The following SLC17A8 variants were observed in gnomAD, a reference collection of about 807,000 sequenced individuals.
The protein encoded by SLC17A8 is solute carrier family 17 member 8.
SLC17A8 carries 31 observed loss-of-function variants against 58.0 expected under a neutral mutation model. That is an observed-to-expected ratio of 0.53 (90% CI 0.40 to 0.72). The LOEUF is 0.72. SLC17A8 is among the 30% of genes least tolerant of loss of function. The probability of loss-of-function intolerance (pLI) is 0.00; values close to 1 mark genes in which losing one functional copy is unlikely to be tolerated. For missense variants in SLC17A8, 655 were observed against 727.8 expected, an observed-to-expected ratio of 0.90 and a Z score of 1.15; for synonymous variants, 228 against 249.0, an observed-to-expected ratio of 0.92 and a Z score of 0.79.
At chr12:100,376,275 G>A (rs1952594156) in intron 1 of SLC17A8, among the ~76,000 whole-genome samples, 1 of 152,218 alleles carries the variant, frequency 6.6e-6, no homozygotes, top group African/African-American at 2.4e-5. Flanking sequence ...AGAAGGTCAA[G>A]TAACTTAGCC....
chr12:100,380,644 CT>C, intron 1 of SLC17A8, 56 bp from the exon 2 acceptor site: 1 of 1,608,732 alleles, frequency 6.2e-7, no homozygotes, highest in Non-Finnish European at 8.5e-7. Context: ...GCTTAGTATA[CT>C]TTCTTTTTCC....
chr12:100,418,507 C>T (rs1338097392), intron 11 of SLC17A8, among the ~76,000 whole-genome samples: 1 of 152,146 alleles, frequency 6.6e-6, no homozygotes, highest in African/African-American at 2.4e-5. Flanking sequence ...AGTGATTAAA[C>T]CTTATAGCCT....
At chr12:100,389,831 TTAC>T (rs1414829198) in intron 2 of SLC17A8, among the ~76,000 whole-genome samples, 3 of 150,310 alleles carry the variant, frequency 2.0e-5, no homozygotes, top group East Asian at 2.0e-4. Flanking sequence ...ATTATTATTA[TTAC>T]TATTGAGATG....
In SLC17A8 at chr12:100,421,760, G is replaced by C. The variant is rs904318538; in HGVS notation, c.*1601G>C. On this transcript the variant is annotated 3_prime_UTR_variant, in exon 12 of 12. Transcript: ENST00000323346. ...GTATTTTATAAATGGAATAATCTTG[G>C]GGAAAAATTGCGATTCTTCATTAAA... is the stretch of plus-strand genomic sequence containing the variant. 3.5e-5 allele frequency: 5 copies of C among 144,356 alleles called. No homozygotes were observed. The highest frequency in any genetic ancestry group is 1.5e-4 in the Admixed American group (2 of 13,772). The allele number at this position is 144,356 out of a possible 1,614,324, so 8.9% of individuals were successfully genotyped here. A position where few individuals can be genotyped will look rare whatever the true frequency, so the allele number is the denominator to read the frequency against.
intron 9 of SLC17A8, among the ~76,000 whole-genome samples, chr12:100,412,366 A>G (rs1416985255): frequency 6.6e-6 from 1 of 152,058 alleles, no homozygotes; most frequent in Non-Finnish European, 1.5e-5. Flanking sequence ...GAGATGAACA[A>G]TGAGAACACA....
At chr12:100,370,951 G>A (rs1437041934) in intron 1 of SLC17A8, among the ~76,000 whole-genome samples, 1 of 103,816 alleles carries the variant, frequency 9.6e-6, no homozygotes, top group Admixed American at 1.0e-4. Flanking sequence ...TCTACTGGAA[G>A]AGGCAAATAT....
At chr12:100,395,203 T>A (rs1182357549) in intron 4 of SLC17A8, among the ~76,000 whole-genome samples, 2 of 152,162 alleles carry the variant, frequency 1.3e-5, no homozygotes, top group East Asian at 3.8e-4. Context: ...ACATGTGAAG[T>A]GTATTTGAAT....
At position 100,418,277 on chromosome 12, in the gene SLC17A8, C is replaced by T. The variant is rs1952921706; in HGVS notation, c.1425+121C>T. ...TGTATGTCCTTGACCTTGACTGAGT[C>T]AGCTGAACTTCTTTTTTTTTTCTTC... is the stretch of plus-strand genomic sequence containing the variant. On this transcript the variant is annotated intron_variant, in intron 11 of 11. Transcript: ENST00000323346. 4.1e-6 allele frequency: 5 copies of T among 1,218,076 alleles called. No homozygotes were observed. The Admixed American group carries it at 7.3e-5, about 18-fold the overall frequency. 75.5% of individuals were successfully genotyped at this position (1,218,076 alleles called of 1,614,324 possible).
chr12:100,371,395 A>G (rs1385571430), intron 1 of SLC17A8, among the ~76,000 whole-genome samples: 1 of 152,180 alleles, frequency 6.6e-6, no homozygotes, highest in Non-Finnish European at 1.5e-5. Flanking sequence ...CTTTAAAAAA[A>G]AGTCTCTGTA....
intron 2 of SLC17A8, among the ~76,000 whole-genome samples, chr12:100,381,230 C>T (rs1952635417): frequency 1.3e-5 from 2 of 152,162 alleles, no homozygotes; most frequent in South Asian, 2.1e-4. Flanking sequence ...CAATACTTTG[C>T]TCCTTGAGAG....
chr12:100,390,684 C>T (rs1952709339), intron 2 of SLC17A8, among the ~76,000 whole-genome samples: 1 of 151,926 alleles, frequency 6.6e-6, no homozygotes, highest in Non-Finnish European at 1.5e-5. Context: ...ACTCTGTTGC[C>T]CAGGCTGGAG....
At chr12:100,382,048 A>C (rs1338628995) in intron 2 of SLC17A8, among the ~76,000 whole-genome samples, 1 of 152,254 alleles carries the variant, frequency 6.6e-6, no homozygotes, top group Non-Finnish European at 1.5e-5. Flanking sequence ...ATAAAGATGC[A>C]TGTTTTCTTC....
At chr12:100,385,114 C>CTG (rs779729764) in intron 2 of SLC17A8, among the ~76,000 whole-genome samples, 3,804 of 150,316 alleles carry the variant, frequency 0.025, 86 homozygotes, top group African/African-American at 0.057. Context: ...CTCTCTCTCT[C>CTG]TCTGTGTGTG....
chr12:100,376,839 T>G (rs1952597732), intron 1 of SLC17A8, among the ~76,000 whole-genome samples: 1 of 152,104 alleles, frequency 6.6e-6, no homozygotes, highest in Non-Finnish European at 1.5e-5. Context: ...AGATGGAGTC[T>G]CACTCTGTTA....
Position 100,393,425 on chromosome 12 carries a change from C to T in SLC17A8, c.530C>T (p.Ala177Val), listed in dbSNP as rs752140106. ...TSTLNMFIPSAARVHYGCVMC... is the reference protein window; with the variant it reads ...TSTLNMFIPSVARVHYGCVMC... ...ACTCTGAACATGTTTATTCCCTCTGCAGCCAGAGTGCATTACGGATGCGTC... is the reference window on the plus strand; with the variant it reads ...ACTCTGAACATGTTTATTCCCTCTGTAGCCAGAGTGCATTACGGATGCGTC... Residue 177 changes from alanine (A) to valine (V), a missense_variant, in exon 4 of 12, where the codon GCA (alanine) becomes GTA (valine). Physicochemically the swap from Ala to Val is moderately conservative, Grantham distance 64 (BLOSUM62 0). Transcript: ENST00000323346. 38 of 1,613,750 alleles carry T rather than the reference C, an allele frequency of 2.4e-5. No homozygotes were observed. Among genetic ancestry groups the T allele is most frequent in the Non-Finnish European group, 3.2e-5 (38 of 1,179,806 alleles).
At chr12:100,372,619 A>G (rs533900848) in intron 1 of SLC17A8, among the ~76,000 whole-genome samples, 1 of 152,368 alleles carries the variant, frequency 6.6e-6, no homozygotes, top group Non-Finnish European at 1.5e-5. Flanking sequence ...TCCTAAATAT[A>G]GCCACATTTG....
intron 2 of SLC17A8, 30 bp from the exon 3 acceptor site, chr12:100,390,971 A>G: frequency 6.7e-7 from 1 of 1,483,156 alleles, no homozygotes; most frequent in Non-Finnish European, 9.4e-7. Flanking sequence ...TTTCTAACAA[A>G]CACAACTATA....
intron 1 of SLC17A8, among the ~76,000 whole-genome samples, chr12:100,369,844 A>T (rs1952546682): frequency 6.6e-6 from 1 of 151,934 alleles, no homozygotes; most frequent in Admixed American, 6.6e-5. Context: ...TGGGTACAAA[A>T]CATATTTTTC....
intron 5 of SLC17A8, among the ~76,000 whole-genome samples, chr12:100,397,612 G>C (rs879892239): frequency 2.6e-5 from 4 of 152,078 alleles, no homozygotes; most frequent in Non-Finnish European, 4.4e-5. Context: ...CAACACAGTG[G>C]TAAATGTGTC....
Sources: gnomAD v4.1 joint callset for allele counts (sites outside exome capture counted in the v4.1 genomes callset) on GRCh38, gnomAD v4.1.1 for gene constraint, MANE v1.5 for transcripts, NCBI Gene and HGNC (gene_info 2026-07-23, HGNC 2026-07-21) for gene names.